PHACTR1: variants seen among roughly 807,000 people sequenced by gnomAD.
PHACTR1 encodes the protein RPEL repeat containing 1.
PHACTR1 carries 16 observed loss-of-function variants against 69.2 expected under a neutral mutation model. The observed-to-expected ratio is 0.23, with a 90% CI of 0.16 to 0.35. PHACTR1 has a LOEUF of 0.35. PHACTR1 is among the 10% of genes least tolerant of loss of function. The probability of loss-of-function intolerance (pLI) is 1.00; values close to 1 mark genes in which losing one functional copy is unlikely to be tolerated. For synonymous variants in PHACTR1, 312 were observed against 284.5 expected, an observed-to-expected ratio of 1.10 and a Z score of -0.97; for missense variants, 510 against 734.7, an observed-to-expected ratio of 0.69 and a Z score of 3.54.
intron 5 of PHACTR1, among the ~76,000 whole-genome samples, chr6:13,122,200 A>G (rs1204976516): frequency 2.0e-5 from 3 of 152,252 alleles, no homozygotes; most frequent in Non-Finnish European, 4.4e-5. Flanking sequence ...GTGTTTTAAG[A>G]AAACATTTTT....
intron 3 of PHACTR1, among the ~76,000 whole-genome samples, chr6:12,745,367 T>C (rs1765639852): frequency 6.6e-6 from 1 of 152,196 alleles, no homozygotes; most frequent in Non-Finnish European, 1.5e-5. Context: ...GAAAATGCCT[T>C]CTTCCCAAGT....
chr6:13,086,685 T>C (rs963235474), intron 5 of PHACTR1, among the ~76,000 whole-genome samples: 1 of 152,036 alleles, frequency 6.6e-6, no homozygotes, highest in Non-Finnish European at 1.5e-5. Flanking sequence ...TTTCATTACA[T>C]GGATATCCCA....
At chr6:12,953,779 C>T (rs1435286364) in intron 4 of PHACTR1, among the ~76,000 whole-genome samples, 2 of 151,974 alleles carry the variant, frequency 1.3e-5, no homozygotes, top group Admixed American at 6.6e-5. Flanking sequence ...ATGGTGGTAA[C>T]GATAATACAC....
At chr6:13,066,748 C>CT (rs1808709090) in intron 5 of PHACTR1, among the ~76,000 whole-genome samples, 1 of 152,102 alleles carries the variant, frequency 6.6e-6, no homozygotes, top group Admixed American at 6.6e-5. Context: ...GCGAGGAAAG[C>CT]TGGGCCCCTT....
rs117942739 is a variant in PHACTR1 at position 12,963,221 on chromosome 6, C to T, written c.251-90144C>T. On this transcript the variant is annotated intron_variant, in intron 4 of 14. Coordinates refer to ENST00000332995, the MANE Select transcript of PHACTR1 (RefSeq NM_030948.6). Reference sequence around the variant, plus strand: ...ATTAACAGACTTGAAAAGGCATGGACGAAAAAGTAATAACAAGAGTAGAGC... The same window carrying T: ...ATTAACAGACTTGAAAAGGCATGGATGAAAAAGTAATAACAAGAGTAGAGC... Among the ~76,000 whole-genome samples the T allele has an allele frequency of 7.4e-4, 113 of 152,198 alleles. 3 individuals are homozygous for T. In the East Asian group the frequency reaches 0.019, roughly 26 times the overall value.
intron 4 of PHACTR1, among the ~76,000 whole-genome samples, chr6:12,928,661 A>G (rs1286622990): frequency 8.0e-6 from 1 of 125,294 alleles, no homozygotes; most frequent in African/African-American, 3.1e-5. Context: ...TGAGCCCTGA[A>G]GTTGTCCTAT....
chr6:13,057,211 C>T (rs868009073), intron 5 of PHACTR1, among the ~76,000 whole-genome samples: 20 of 152,196 alleles, frequency 1.3e-4, no homozygotes, highest in Middle Eastern at 3.4e-3. Flanking sequence ...CTGATTTGAT[C>T]ACTACACATT....
chr6:12,996,667 A>G (rs1394523222), intron 4 of PHACTR1, among the ~76,000 whole-genome samples: 1 of 152,188 alleles, frequency 6.6e-6, no homozygotes, highest in African/African-American at 2.4e-5. Context: ...TTTTATATAA[A>G]CTTTTCAAGA....
chr6:12,855,782 C>G (rs1415268268), intron 4 of PHACTR1, among the ~76,000 whole-genome samples: 4 of 151,842 alleles, frequency 2.6e-5, no homozygotes, highest in African/African-American at 7.3e-5. Context: ...ACCATGTACC[C>G]CCGAATCTAA....
chr6:12,845,425 A>ACCCCC (rs1332657788), intron 4 of PHACTR1, among the ~76,000 whole-genome samples: 26 of 14,804 alleles, frequency 1.8e-3, no homozygotes, highest in Non-Finnish European at 2.0e-3. Context: ...TGTGAACACC[A>ACCCCC]CCCACCCCCC....
intron 4 of PHACTR1, among the ~76,000 whole-genome samples, chr6:12,857,886 T>C (rs1398892670): frequency 6.6e-6 from 1 of 152,154 alleles, no homozygotes; most frequent in East Asian, 1.9e-4. Flanking sequence ...AGTCACAAGA[T>C]CTGGGTTTAA....
At chr6:13,239,447 A>G (rs1772494692) in intron 10 of PHACTR1, among the ~76,000 whole-genome samples, 1 of 152,188 alleles carries the variant, frequency 6.6e-6, no homozygotes, top group Non-Finnish European at 1.5e-5. Flanking sequence ...AGGTGCTCAG[A>G]TGAGCTCAGG....
At chr6:13,156,086 C>T (rs891776433) in intron 5 of PHACTR1, among the ~76,000 whole-genome samples, 1 of 152,212 alleles carries the variant, frequency 6.6e-6, no homozygotes, top group African/African-American at 2.4e-5. Flanking sequence ...AAGGGAAGAG[C>T]ATTAAAATCT....
intron 4 of PHACTR1, among the ~76,000 whole-genome samples, chr6:13,049,553 G>C (rs920532702): frequency 3.3e-5 from 5 of 152,180 alleles, no homozygotes; most frequent in African/African-American, 1.2e-4. Flanking sequence ...ATCAAAGAAT[G>C]ATAGGAAATC....
At chr6:12,798,039 GACAC>G (rs10529531) in intron 4 of PHACTR1, among the ~76,000 whole-genome samples, 3 of 137,786 alleles carry the variant, frequency 2.2e-5, no homozygotes, top group Non-Finnish European at 4.6e-5. Flanking sequence ...TCATTTCCTA[GACAC>G]ACACACACAC....
At chr6:12,915,657 A>G (rs1272130301) in intron 4 of PHACTR1, among the ~76,000 whole-genome samples, 1 of 152,132 alleles carries the variant, frequency 6.6e-6, no homozygotes, top group African/African-American at 2.4e-5. Context: ...GTGAATTTGG[A>G]GCTGAGCTAT....
intron 4 of PHACTR1, among the ~76,000 whole-genome samples, chr6:13,041,339 T>TACATACACACAC (rs1554113082): frequency 7.4e-6 from 1 of 135,470 alleles, no homozygotes; most frequent in Non-Finnish European, 1.6e-5. Context: ...TTAAAATACA[T>TACATACACACAC]ACACACACAC....
At chr6:13,094,511 G>A (rs1356289366) in intron 5 of PHACTR1, among the ~76,000 whole-genome samples, 1 of 151,786 alleles carries the variant, frequency 6.6e-6, no homozygotes, top group East Asian at 1.9e-4. Context: ...TAGCCAGGCG[G>A]GTCTTGAACT....
chr6:12,957,767 C>T (rs1298187025), intron 4 of PHACTR1: 1 of 985,502 alleles, frequency 1.0e-6, no homozygotes, highest in Non-Finnish European at 1.2e-6. Flanking sequence ...TTGAATCCAT[C>T]CCCCGACTTT....
Sources: gnomAD v4.1 joint callset for allele counts (sites outside exome capture counted in the v4.1 genomes callset) on GRCh38, gnomAD v4.1.1 for gene constraint, MANE v1.5 for transcripts, NCBI Gene and HGNC (gene_info 2026-07-23, HGNC 2026-07-21) for gene names.